Variants in DENR observed in about 807,000 individuals in gnomAD.
The protein encoded by DENR is density regulated re-initiation and release factor.
In DENR, 6 loss-of-function variants were observed where a neutral mutation model predicts 30.6. The observed-to-expected ratio is 0.20, with a 90% CI of 0.11 to 0.39. The LOEUF is 0.39. Ranked by LOEUF, DENR falls within the 10% of genes least tolerant of loss-of-function variation. The pLI is 1.00. For missense variants in DENR, 141 were observed against 230.9 expected (o/e 0.61, Z 2.52); for synonymous variants, 78 against 72.1 (o/e 1.08, Z -0.41).
intron 2 of DENR, among the ~76,000 whole-genome samples, chr12:122,758,844 T>C (rs1251209706): frequency 4.5e-5 from 2 of 44,614 alleles, no homozygotes; most frequent in Non-Finnish European, 8.9e-5. Flanking sequence ...GCTTAATTTT[T>C]TATTTATTTA....
intron 2 of DENR, among the ~76,000 whole-genome samples, chr12:122,759,644 C>T (rs1177244017): frequency 2.0e-5 from 3 of 152,138 alleles, no homozygotes; most frequent in Non-Finnish European, 4.4e-5. Flanking sequence ...TCACTTGGAC[C>T]CAGGAGGTAG....
chr12:122,768,011 C>T (rs530559205), intron 6 of DENR: 14 of 154,484 alleles, frequency 9.1e-5, no homozygotes, highest in African/African-American at 2.4e-4. Flanking sequence ...CCCTTAGTTC[C>T]TGGAAGCCTT....
At chr12:122,761,799 A>G (rs1878708157) in intron 2 of DENR, among the ~76,000 whole-genome samples, 1 of 152,180 alleles carries the variant, frequency 6.6e-6, no homozygotes, top group Non-Finnish European at 1.5e-5. Context: ...TGGGCAACAG[A>G]GTGAGACCGT....
chr12:122,765,729 G>A (rs1408430545), intron 5 of DENR, among the ~76,000 whole-genome samples: 1 of 152,168 alleles, frequency 6.6e-6, no homozygotes, highest in South Asian at 2.1e-4. Context: ...GATCATGGTT[G>A]GATGTGGTAT....
intron 5 of DENR, among the ~76,000 whole-genome samples, chr12:122,766,064 AC>A (rs1324606760): frequency 3.3e-5 from 5 of 150,670 alleles, no homozygotes; most frequent in Non-Finnish European, 5.9e-5. Flanking sequence ...AAAAAAAAAA[AC>A]TCTCCCCAAA....
intron 5 of DENR, among the ~76,000 whole-genome samples, chr12:122,766,719 T>G (rs1878859492): frequency 6.6e-6 from 1 of 152,190 alleles, no homozygotes. Flanking sequence ...CTTTCTCCCT[T>G]TACTCAGTTC....
At chr12:122,768,533 T>G (rs1878909262) in intron 6 of DENR, among the ~76,000 whole-genome samples, 1 of 152,112 alleles carries the variant, frequency 6.6e-6, no homozygotes, top group Admixed American at 6.6e-5. Context: ...CTGGATTTAT[T>G]TTGGTCTTAA....
intron 3 of DENR, among the ~76,000 whole-genome samples, chr12:122,762,531 A>G (rs1317932378): frequency 6.6e-6 from 1 of 152,264 alleles, no homozygotes; most frequent in Non-Finnish European, 1.5e-5. Context: ...AAAGGGCAGT[A>G]TAAATTATGT....
chr12:122,762,162 A>G (rs1878717927), intron 2 of DENR, 25 bp from the exon 3 acceptor site: 4 of 1,400,254 alleles, frequency 2.9e-6, no homozygotes, highest in Non-Finnish European at 3.9e-6. Flanking sequence ...AACATTTCAA[A>G]TCTTTTTTCT....
At chr12:122,768,995 AACC>A in intron 7 of DENR, 36 bp from the exon 8 acceptor site, 1 of 1,608,386 alleles carries the variant, frequency 6.2e-7, no homozygotes, top group Non-Finnish European at 8.5e-7. Flanking sequence ...TCTTAATTGC[AACC>A]ACAACTCATG....
At chr12:122,765,435 C>A in intron 5 of DENR, 48 bp downstream of exon 5, 1 of 1,452,968 alleles carries the variant, frequency 6.9e-7, no homozygotes, top group Non-Finnish European at 9.4e-7. Context: ...ACCGTCACTG[C>A]GATAGAAAAT....
chr12:122,768,278 C>G (rs1251162657), intron 6 of DENR: 1 of 152,596 alleles, frequency 6.6e-6, no homozygotes, highest in Non-Finnish European at 1.5e-5. Flanking sequence ...ATGGGCGGAT[C>G]ACCTGAGGTA....
chr12:122,764,213 C>G (rs760310986), intron 4 of DENR, among the ~76,000 whole-genome samples: 5 of 152,078 alleles, frequency 3.3e-5, no homozygotes, highest in African/African-American at 4.8e-5. Flanking sequence ...GGCTTTTGCT[C>G]TTAGTTAGAT....
Position 122,770,627 on chromosome 12 carries a change from T to C in DENR, c.*1549T>C, listed in dbSNP as rs568465621. The C allele has an allele frequency of 2.1e-4, 85 of 398,544 alleles. No individual in the cohort carries two copies. Among genetic ancestry groups the C allele is most frequent in the Admixed American group, 3.1e-4 (7 of 22,722 alleles). The allele number at this position is 398,544 out of a possible 1,614,324, so 24.7% of individuals were successfully genotyped here. On this transcript the variant is annotated 3_prime_UTR_variant, in exon 8 of 8. Transcript: ENST00000280557. ...TGATGTATTTGATGAATTTAAACTT[T>C]AAGTCAGGTGCTGCAAATTGGAAAG... is the stretch of plus-strand genomic sequence containing the variant.
At chr12:122,758,033 C>T (rs940115271) in intron 2 of DENR, among the ~76,000 whole-genome samples, 7 of 152,122 alleles carry the variant, frequency 4.6e-5, no homozygotes, top group African/African-American at 1.4e-4. Context: ...TTTCAGGAAG[C>T]TGATTGTGGC....
rs1460324509 is a variant in DENR at position 122,769,200 on chromosome 12, GTATACACA to G, written c.*132_*139del. 1.2e-5 allele frequency: 11 copies of G among 892,952 alleles called. No individual in the cohort carries two copies. Among genetic ancestry groups the G allele is most frequent in the Admixed American group, 1.2e-4 (3 of 24,444 alleles). 55.3% of individuals were successfully genotyped at this position (892,952 alleles called of 1,614,324 possible). On this transcript the variant is annotated 3_prime_UTR_variant, in exon 8 of 8. Transcript: ENST00000280557. ...TATGTATATATACACATATATGTAT[GTATACACA>G]TATACACATGTATATATACATGTGT...
At chr12:122,767,692 T>A (rs573474268) in intron 6 of DENR, 88 bp downstream of exon 6, 16 of 668,786 alleles carry the variant, frequency 2.4e-5, no homozygotes, top group African/African-American at 3.8e-5. Flanking sequence ...CTCTCTCACA[T>A]ACCATGAAAA....
At chr12:122,759,590 G>A (rs1878641241) in intron 2 of DENR, among the ~76,000 whole-genome samples, 1 of 152,084 alleles carries the variant, frequency 6.6e-6, no homozygotes, top group African/African-American at 2.4e-5. Flanking sequence ...GTGTGGTGGT[G>A]CACACCTGTA....
intron 3 of DENR, 36 bp from the exon 4 acceptor site, chr12:122,762,809 G>A: frequency 7.4e-7 from 1 of 1,346,310 alleles, no homozygotes; most frequent in Non-Finnish European, 1.0e-6. Flanking sequence ...GACTGAAAAT[G>A]TTTTGTTGTG....
Sources: gnomAD v4.1 joint callset for allele counts (sites outside exome capture counted in the v4.1 genomes callset) on GRCh38, gnomAD v4.1.1 for gene constraint, MANE v1.5 for transcripts, NCBI Gene and HGNC (gene_info 2026-07-23, HGNC 2026-07-21) for gene names.